GALNT18: variants seen among roughly 807,000 people sequenced by gnomAD.
GALNT18 encodes the protein polypeptide N-acetylgalactosaminyltransferase 18, also known as GalNAc-transferase 18.
GALNT18 carries 44 observed loss-of-function variants against 69.5 expected under a neutral mutation model. The ratio of observed to expected loss-of-function variants is 0.63; its 90% CI spans 0.50 to 0.81. The LOEUF is 0.81. Among genes scored for constraint, GALNT18 ranks in the 40% least tolerant of loss-of-function variants. The pLI is 0.00. For synonymous variants in GALNT18, 364 were observed against 318.2 expected (o/e 1.14, Z -1.53); for missense variants, 715 against 810.0 (o/e 0.88, Z 1.42).
Position 11,461,562 on chromosome 11 carries a change from C to G in GALNT18, c.236-12626G>C, listed in dbSNP as rs184145347. On this transcript the variant is annotated intron_variant, in intron 1 of 10. Coordinates refer to ENST00000227756, the MANE Select transcript of GALNT18 (RefSeq NM_198516.3). The surrounding 1 kb of genome is among the most constrained non-coding windows in gnomAD (Gnocchi z 4.1). ...TCTGAAGCACATACCGTTATCCCCC[C>G]CGCTCCCGCCCGCCACCGAGCTGAC... Among the ~76,000 whole-genome samples, 623 of 152,274 alleles carry G rather than the reference C, an allele frequency of 4.1e-3. 4 individuals carry two copies. The highest frequency in any genetic ancestry group is 0.014 in the African/African-American group (599 of 41,556).
At chr11:11,590,000 T>C (rs1449088013) in intron 1 of GALNT18, among the ~76,000 whole-genome samples, 1 of 152,184 alleles carries the variant, frequency 6.6e-6, no homozygotes. Context: ...CAGACCTAGG[T>C]CCTACTCCTG....
At chr11:11,581,721 C>G (rs1018948579) in intron 1 of GALNT18, among the ~76,000 whole-genome samples, 1 of 152,160 alleles carries the variant, frequency 6.6e-6, no homozygotes, top group Non-Finnish European at 1.5e-5. Flanking sequence ...GAGAAATTCT[C>G]CATCCAGGGG....
At chr11:11,385,616 A>G (rs771495010) in intron 3 of GALNT18, among the ~76,000 whole-genome samples, 3 of 152,104 alleles carry the variant, frequency 2.0e-5, no homozygotes, top group Non-Finnish European at 4.4e-5. Context: ...AAATTTTAAC[A>G]TGAGATTTGG....
In GALNT18 at chr11:11,338,076, T is replaced by A. The variant is rs973806953; in HGVS notation, c.1278+2743A>T. 6.6e-6 allele frequency among the ~76,000 whole-genome samples: 1 copy of A among 151,354 alleles called. No individual in the cohort carries two copies. The highest frequency in any genetic ancestry group is 1.5e-5 in the Non-Finnish European group (1 of 67,928). On this transcript the variant is annotated intron_variant, in intron 7 of 10. Coordinates refer to ENST00000227756, the MANE Select transcript of GALNT18 (RefSeq NM_198516.3). The surrounding 1 kb of genome is among the most constrained non-coding windows in gnomAD (Gnocchi z 5.3). Reference sequence around the variant, plus strand: ...TCCGCCTCCCAGGTTAAAATGATTCTCTTGCCTCAGCCTCCTGAGTAGCTG... The same window carrying A: ...TCCGCCTCCCAGGTTAAAATGATTCACTTGCCTCAGCCTCCTGAGTAGCTG...
At position 11,546,158 on chromosome 11, in the gene GALNT18, C is replaced by T. The variant is rs891395133; in HGVS notation, c.235+75201G>A. ...GTATCCCTGAGAAGGCTTACAAGCC[C>T]AAAGTGAGCCAGTTGTTTGAGCTAC... On this transcript the variant is annotated intron_variant, in intron 1 of 10. Coordinates refer to ENST00000227756, the MANE Select transcript of GALNT18 (RefSeq NM_198516.3). The surrounding 1 kb of genome is among the most constrained non-coding windows in gnomAD (Gnocchi z 5.8). Among the ~76,000 whole-genome samples, 2 of 152,090 alleles carry T rather than the reference C, an allele frequency of 1.3e-5. No homozygotes were observed. Among genetic ancestry groups the T allele is most frequent in the Non-Finnish European group, 2.9e-5 (2 of 68,016 alleles).
chr11:11,502,439 G>A lies in GALNT18; in HGVS notation c.236-53503C>T, dbSNP rs114943365. Among the ~76,000 whole-genome samples the A allele has an allele frequency of 7.5e-3, 1,149 of 152,284 alleles. 14 individuals are homozygous for A. The highest frequency in any genetic ancestry group is 0.027 in the African/African-American group (1,105 of 41,540). Reference sequence around the variant, plus strand: ...TCAGAAACACAGACAAGAGGCCTTCGCCATACTCTGTTGGCTTCTGCGCAA... The same window carrying A: ...TCAGAAACACAGACAAGAGGCCTTCACCATACTCTGTTGGCTTCTGCGCAA... On this transcript the variant is annotated intron_variant, in intron 1 of 10. Transcript: ENST00000227756.
chr11:11,425,185 C>T (rs567742880), intron 3 of GALNT18, among the ~76,000 whole-genome samples: 12 of 152,330 alleles, frequency 7.9e-5, no homozygotes, highest in African/African-American at 2.6e-4. Context: ...TCTTGAGGCC[C>T]GCTGAGTTGT....
chr11:11,371,358 G>A (rs968594327), intron 6 of GALNT18, among the ~76,000 whole-genome samples: 12 of 152,194 alleles, frequency 7.9e-5, no homozygotes, highest in African/African-American at 2.7e-4. Flanking sequence ...AGAGGAGGGT[G>A]CATCCAAGCT....
chr11:11,495,696 A>G (rs568122954), intron 1 of GALNT18, among the ~76,000 whole-genome samples: 1 of 152,366 alleles, frequency 6.6e-6, no homozygotes, highest in African/African-American at 2.4e-5. Context: ...AAAATTACAT[A>G]GAAAACTTGA....
At chr11:11,608,334 G>T (rs1470550444) in intron 1 of GALNT18, among the ~76,000 whole-genome samples, 1 of 152,050 alleles carries the variant, frequency 6.6e-6, no homozygotes, top group Admixed American at 6.5e-5. Context: ...TGATACACAG[G>T]GTGGGGGTGC....
intron 6 of GALNT18, among the ~76,000 whole-genome samples, chr11:11,369,144 G>C (rs555386926): frequency 6.6e-6 from 1 of 152,290 alleles, no homozygotes; most frequent in South Asian, 2.1e-4. Flanking sequence ...CCTTTCTCCA[G>C]GTTCCAACTT....
rs1360419688 is a variant in GALNT18, at chr11:11,494,022, T to C, written c.236-45086A>G. 6.6e-6 allele frequency among the ~76,000 whole-genome samples: 1 copy of C among 152,168 alleles called. No homozygotes were observed. Among genetic ancestry groups the C allele is most frequent in the Non-Finnish European group, 1.5e-5 (1 of 68,028 alleles). On this transcript the variant is annotated intron_variant, in intron 1 of 10. Transcript: ENST00000227756. This position sits in a 1 kb window ranked among gnomAD's most constrained non-coding sequence, Gnocchi z 5.7. ...ACCTAAGCCATCGGTGCCTCTGTTT[T>C]CTCATCTATAAAATGGGATTGTAAA...
chr11:11,443,065 T>A (rs917316629), intron 2 of GALNT18, among the ~76,000 whole-genome samples: 1 of 152,194 alleles, frequency 6.6e-6, no homozygotes, highest in East Asian at 1.9e-4. Flanking sequence ...TCCCTTAGAC[T>A]TTCCTGTGCC....
At chr11:11,327,684 G>A (rs569740652) in intron 8 of GALNT18, among the ~76,000 whole-genome samples, 26 of 152,320 alleles carry the variant, frequency 1.7e-4, no homozygotes, top group East Asian at 5.8e-4. Flanking sequence ...GTGGGAGGTC[G>A]GATGGGAGAA....
intron 1 of GALNT18, among the ~76,000 whole-genome samples, chr11:11,450,903 G>C (rs995301913): frequency 6.6e-5 from 10 of 152,108 alleles, no homozygotes; most frequent in African/African-American, 2.4e-4. Flanking sequence ...TCCTGGGAAG[G>C]CTCTCCCCAG....
In GALNT18 at chr11:11,432,907, G is replaced by T; in HGVS notation, c.429-120C>A. ...GGCTCGGGAGTCCAGATTCTTCCAA[G>T]GGCCCCTTCTTTGATGCACTTAAGA... is the stretch of plus-strand genomic sequence containing the variant. On this transcript the variant is annotated intron_variant, in intron 2 of 10. Coordinates refer to ENST00000227756, the MANE Select transcript of GALNT18 (RefSeq NM_198516.3). This position sits in a 1 kb window ranked among gnomAD's most constrained non-coding sequence, Gnocchi z 5.8. 1.1e-6 allele frequency: 1 copy of T among 917,604 alleles called. No homozygotes were observed. Among genetic ancestry groups the T allele is most frequent in the Non-Finnish European group, 1.6e-6 (1 of 617,320 alleles). 56.8% of individuals were successfully genotyped at this position (917,604 alleles called of 1,614,324 possible).
In GALNT18 at chr11:11,436,005, C is replaced by T. The variant is rs1855392438; in HGVS notation, c.429-3218G>A. The stretch of plus-strand genomic sequence containing the variant: ...GACAGCCATGCTGCCGCTGTGGCCT[C>T]TCTCTCGGCATCAGGAGACACCTTT... On this transcript the variant is annotated intron_variant, in intron 2 of 10. Transcript: ENST00000227756. This position sits in a 1 kb window ranked among gnomAD's most constrained non-coding sequence, Gnocchi z 4.5. Among the ~76,000 whole-genome samples the T allele has an allele frequency of 6.6e-6, 1 of 152,258 alleles. No homozygotes were observed. The highest frequency in any genetic ancestry group is 2.1e-4 in the South Asian group (1 of 4,830).
intron 9 of GALNT18, among the ~76,000 whole-genome samples, chr11:11,297,035 G>A (rs1038112678): frequency 3.3e-5 from 5 of 152,144 alleles, no homozygotes; most frequent in Admixed American, 6.5e-5. Context: ...GACTTAGAAC[G>A]ATGGTCCTCA....
chr11:11,581,244 A>G (rs1186303144), intron 1 of GALNT18, among the ~76,000 whole-genome samples: 1 of 152,202 alleles, frequency 6.6e-6, no homozygotes, highest in Non-Finnish European at 1.5e-5. Context: ...GTATAAGTAC[A>G]GAGCAGAAGA....
Sources: gnomAD v4.1 joint callset for allele counts (sites outside exome capture counted in the v4.1 genomes callset) on GRCh38, gnomAD v4.1.1 for gene constraint, Gnocchi (gnomAD v3.1) non-coding constraint, MANE v1.5 for transcripts, NCBI Gene and HGNC (gene_info 2026-07-23, HGNC 2026-07-21) for gene names.